Variants in TSPAN15 observed in about 807,000 individuals in gnomAD.
TSPAN15 encodes tetraspanin-15.
A neutral mutation model predicts 34.5 loss-of-function variants in TSPAN15; 20 were observed. That is an observed-to-expected ratio of 0.58 (90% CI 0.41 to 0.84). TSPAN15 has a LOEUF of 0.84. TSPAN15 is among the 40% of genes least tolerant of loss of function. The pLI, the probability that TSPAN15 is intolerant of heterozygous loss-of-function variation, is 0.00. For missense variants in TSPAN15, 313 were observed against 386.1 expected (o/e 0.81, Z 1.59); for synonymous variants, 155 against 153.9 (o/e 1.01, Z -0.05).
the TSPAN15 span, among the ~76,000 whole-genome samples, chr10:69,540,720 G>A: frequency 3.1e-4 from 47 of 152,264 alleles, no homozygotes; most frequent in Middle Eastern, 3.4e-3. Flanking sequence ...GCCACAAGAT[G>A]GACTCTCTGA....
chr10:69,545,335 G>A, the TSPAN15 span, among the ~76,000 whole-genome samples: 3 of 152,156 alleles, frequency 2.0e-5, no homozygotes, highest in African/African-American at 7.2e-5. Context: ...GCTCCCCTCT[G>A]ATCTCCCCAG....
intron 1 of TSPAN15, among the ~76,000 whole-genome samples, chr10:69,458,397 A>G (rs1001838954): frequency 5.3e-5 from 8 of 152,254 alleles, no homozygotes; most frequent in Non-Finnish European, 1.2e-4. Context: ...GGATTCAGCC[A>G]CTGTTATATG....
At chr10:69,549,019 C>T in the TSPAN15 span, among the ~76,000 whole-genome samples, 1 of 117,694 alleles carries the variant, frequency 8.5e-6, no homozygotes, top group Non-Finnish European at 2.1e-5. Context: ...CTTTTAATGG[C>T]CTCCAGGACA....
At chr10:69,525,285 T>C in the TSPAN15 span, among the ~76,000 whole-genome samples, 10 of 147,750 alleles carry the variant, frequency 6.8e-5, 2 homozygotes, top group Non-Finnish European at 1.2e-4. Context: ...GAACAAATTA[T>C]ATAAAACTTA....
chr10:69,462,173 T>TTTG (rs1353157299), intron 1 of TSPAN15, among the ~76,000 whole-genome samples: 2,305 of 145,228 alleles, frequency 0.016, 88 homozygotes, highest in African/African-American at 0.053. Flanking sequence ...TTTTTTTTTT[T>TTTG]TTTTTTTTGT....
chr10:69,537,314 T>C, the TSPAN15 span, among the ~76,000 whole-genome samples: 1 of 152,202 alleles, frequency 6.6e-6, no homozygotes, highest in Non-Finnish European at 1.5e-5. Flanking sequence ...CAAAATATAA[T>C]ATCTGAAGTC....
intron 1 of TSPAN15, among the ~76,000 whole-genome samples, chr10:69,472,604 C>T (rs1339567989): frequency 6.6e-6 from 1 of 152,208 alleles, no homozygotes; most frequent in East Asian, 1.9e-4. Context: ...GGACTCCTCC[C>T]TCCCTGGAAT....
the TSPAN15 span, among the ~76,000 whole-genome samples, chr10:69,549,199 A>G: frequency 6.6e-6 from 1 of 152,182 alleles, no homozygotes; most frequent in African/African-American, 2.4e-5. Context: ...CTAATCTGCC[A>G]TGTTGACTTC....
chr10:69,464,397 G>A (rs1841336825), intron 1 of TSPAN15, among the ~76,000 whole-genome samples: 1 of 152,176 alleles, frequency 6.6e-6, no homozygotes, highest in African/African-American at 2.4e-5. Context: ...AGAACAGAGG[G>A]GTTGGGGGAG....
At chr10:69,545,316 G>A in the TSPAN15 span, among the ~76,000 whole-genome samples, 1 of 152,154 alleles carries the variant, frequency 6.6e-6, no homozygotes, top group African/African-American at 2.4e-5. Context: ...TGGGCTTTGG[G>A]GACTTCCTGC....
chr10:69,537,531 C>G, the TSPAN15 span, among the ~76,000 whole-genome samples: 4 of 152,148 alleles, frequency 2.6e-5, no homozygotes, highest in African/African-American at 9.7e-5. Flanking sequence ...TCTCTCCTGG[C>G]TTCTGGTAGT....
rs556993109 is a variant in TSPAN15, at chr10:69,494,662, G to C, written c.358-932G>C. 6.3e-4 allele frequency: 622 copies of C among 985,428 alleles called. 9 individuals carry two copies. In the South Asian group the frequency reaches 0.025, roughly 40 times the overall value. 61.0% of individuals were successfully genotyped at this position (985,428 alleles called of 1,614,324 possible). ...CCAGAGAGGAGAAGTAAGCCGCGATGGGGCCTGGAACCAGGATCCTGTTGT... is the reference window on the plus strand; with the variant it reads ...CCAGAGAGGAGAAGTAAGCCGCGATCGGGCCTGGAACCAGGATCCTGTTGT... On this transcript the variant is annotated intron_variant, in intron 3 of 7. Coordinates refer to ENST00000373290, the MANE Select transcript of TSPAN15 (RefSeq NM_012339.5).
the TSPAN15 span, among the ~76,000 whole-genome samples, chr10:69,536,845 G>A: frequency 5.0e-3 from 759 of 152,162 alleles, 9 homozygotes; most frequent in African/African-American, 0.017. Context: ...TTAGCCAGGA[G>A]TGGTGGCACA....
chr10:69,468,639 C>T (rs897063533), intron 1 of TSPAN15, among the ~76,000 whole-genome samples: 1 of 151,630 alleles, frequency 6.6e-6, no homozygotes, highest in African/African-American at 2.4e-5. Flanking sequence ...TCTCTAAATA[C>T]ACCACTTCTT....
chr10:69,460,132 A>G (rs2133064749), intron 1 of TSPAN15, among the ~76,000 whole-genome samples: 1 of 152,170 alleles, frequency 6.6e-6, no homozygotes, highest in African/African-American at 2.4e-5. Flanking sequence ...CAGCCTGCCT[A>G]GAACAGATGG....
chr10:69,454,397 A>C (rs887330501), intron 1 of TSPAN15, among the ~76,000 whole-genome samples: 2 of 152,148 alleles, frequency 1.3e-5, no homozygotes, highest in African/African-American at 2.4e-5. Flanking sequence ...GTGTGCCTGT[A>C]ATCCCAGCTA....
At chr10:69,476,387 A>G (rs1382780879) in intron 1 of TSPAN15, among the ~76,000 whole-genome samples, 1 of 152,072 alleles carries the variant, frequency 6.6e-6, no homozygotes, top group Admixed American at 6.6e-5. Flanking sequence ...ATGTGCTCTG[A>G]CGTTACCAAA....
the TSPAN15 span, among the ~76,000 whole-genome samples, chr10:69,541,201 G>T: frequency 6.6e-6 from 1 of 152,124 alleles, no homozygotes; most frequent in East Asian, 1.9e-4. Context: ...ATACTGGAGA[G>T]AATATACAGG....
chr10:69,463,512 A>G (rs1479007234), intron 1 of TSPAN15, among the ~76,000 whole-genome samples: 1 of 152,110 alleles, frequency 6.6e-6, no homozygotes, highest in Non-Finnish European at 1.5e-5. Context: ...TGGCCTCATC[A>G]AAAAGGTATG....
Sources: gnomAD v4.1 joint callset for allele counts (sites outside exome capture counted in the v4.1 genomes callset) on GRCh38, gnomAD v4.1.1 for gene constraint, MANE v1.5 for transcripts, NCBI Gene and HGNC (gene_info 2026-07-23, HGNC 2026-07-21) for gene names.